Variants in CDC37L1 observed in about 807,000 individuals in gnomAD.
CDC37L1 encodes cell division cycle 37 like 1, HSP90 cochaperone.
A neutral mutation model predicts 45.9 loss-of-function variants in CDC37L1; 32 were observed. The observed-to-expected ratio is 0.70, with a 90% CI of 0.53 to 0.94. The LOEUF is 0.94. Ranked by LOEUF, CDC37L1 falls within the 40% of genes least tolerant of loss-of-function variation. CDC37L1 has a pLI of 0.00. For missense variants in CDC37L1, 434 were observed against 405.7 expected (o/e 1.07, Z -0.60); for synonymous variants, 150 against 133.0 (o/e 1.13, Z -0.88).
rs376830552 is a variant in CDC37L1, at chr9:4,706,592, G to C, written c.*480G>C. On this transcript the variant is annotated 3_prime_UTR_variant, in exon 7 of 7. Coordinates refer to ENST00000381854, the MANE Select transcript of CDC37L1 (RefSeq NM_017913.4). ...TCATCACATTAAAAGCAATAAATCA[G>C]TAGTTGGTAATGTACTTTACTAAAT... 2 of 152,786 alleles carry C rather than the reference G, an allele frequency of 1.3e-5. No homozygotes were observed. Among genetic ancestry groups the C allele is most frequent in the Non-Finnish European group, 2.9e-5 (2 of 68,168 alleles). 9.5% of individuals were successfully genotyped at this position (152,786 alleles called of 1,614,324 possible). A position where few individuals can be genotyped will look rare whatever the true frequency, so the allele number is the denominator to read the frequency against.
rs530294781 is a variant in CDC37L1 at position 4,682,673 on chromosome 9, A to C, written c.133-2204A>C. On this transcript the variant is annotated intron_variant, in intron 1 of 6. Transcript: ENST00000381854. ...TTTTTAGTAGAAACGGGGTTTCGCC[A>C]TGTTGGCCAAGCTGGTTTCGAACTC... Among the ~76,000 whole-genome samples, 6 of 151,122 alleles carry C rather than the reference A, an allele frequency of 4.0e-5. No homozygotes were observed. In the South Asian group the frequency reaches 1.3e-3, roughly 32 times the overall value.
chr9:4,702,844 G>A (rs1293618255), intron 6 of CDC37L1, among the ~76,000 whole-genome samples: 5 of 133,442 alleles, frequency 3.7e-5, no homozygotes, highest in East Asian at 2.3e-4. Context: ...AGCCGAGATC[G>A]AGCCACTGCA....
chr9:4,686,293 C>T (rs554113727), intron 2 of CDC37L1, among the ~76,000 whole-genome samples: 5 of 152,308 alleles, frequency 3.3e-5, no homozygotes, highest in East Asian at 1.9e-4. Context: ...AAGTGTACAT[C>T]GCCACTAGCC....
intron 3 of CDC37L1, among the ~76,000 whole-genome samples, chr9:4,694,950 T>C (rs1185268283): frequency 2.0e-5 from 3 of 152,202 alleles, no homozygotes; most frequent in South Asian, 2.1e-4. Context: ...CATGTTATCC[T>C]TCCTGCAAAA....
At chr9:4,680,862 A>C (rs1373728920) in intron 1 of CDC37L1, among the ~76,000 whole-genome samples, 3 of 152,224 alleles carry the variant, frequency 2.0e-5, no homozygotes, top group African/African-American at 7.2e-5. Context: ...GTTAATGAGA[A>C]TGAGTTAAAT....
rs764882435 is a variant in CDC37L1 at position 4,697,748 on chromosome 9, C to A, written c.625-9C>A. The A allele has an allele frequency of 1.4e-6, 2 of 1,390,094 alleles. No homozygotes were observed. The highest frequency in any genetic ancestry group is 1.8e-5 in the Admixed American group (1 of 54,698). The allele number at this position is 1,390,094 out of a possible 1,614,324, so 86.1% of individuals were successfully genotyped here. A position where few individuals can be genotyped will look rare whatever the true frequency, so the allele number is the denominator to read the frequency against. On this transcript the variant is annotated splice_polypyrimidine_tract_variant and intron_variant, in intron 4 of 6. Coordinates refer to ENST00000381854, the MANE Select transcript of CDC37L1 (RefSeq NM_017913.4). Reference sequence around the variant, plus strand: ...TATTTGTTTCTTATATCATTTAAATCTTTTTCAGAAAGGGGCTTTAATGGA... The same window carrying A: ...TATTTGTTTCTTATATCATTTAAATATTTTTCAGAAAGGGGCTTTAATGGA...
intron 1 of CDC37L1, among the ~76,000 whole-genome samples, chr9:4,683,037 A>C (rs937719091): frequency 7.0e-6 from 1 of 142,934 alleles, no homozygotes; most frequent in South Asian, 2.1e-4. Context: ...ATATTTATAT[A>C]TAAAATATAT....
intron 6 of CDC37L1, among the ~76,000 whole-genome samples, chr9:4,704,758 C>T (rs146654011): frequency 2.6e-5 from 4 of 151,970 alleles, no homozygotes; most frequent in East Asian, 1.9e-4. Flanking sequence ...TGACAGCAAT[C>T]GTGTGAAATA....
chr9:4,681,118 C>T (rs1841188724), intron 1 of CDC37L1, among the ~76,000 whole-genome samples: 1 of 151,954 alleles, frequency 6.6e-6, no homozygotes, highest in Admixed American at 6.6e-5. Flanking sequence ...ACATGATGTG[C>T]TAGGGAGGAA....
At chr9:4,692,410 C>T (rs539731008) in intron 3 of CDC37L1, among the ~76,000 whole-genome samples, 19 of 152,082 alleles carry the variant, frequency 1.2e-4, no homozygotes, top group Non-Finnish European at 2.6e-4. Flanking sequence ...GCTGGGATTA[C>T]AGGCGCCTGC....
intron 6 of CDC37L1, 143 bp downstream of exon 6, chr9:4,702,171 C>T (rs1252683660): frequency 2.2e-6 from 1 of 455,456 alleles, no homozygotes; most frequent in Non-Finnish European, 3.8e-6. Context: ...AATCTTACTT[C>T]ATGCCATGTT....
In CDC37L1 at chr9:4,704,051, G is replaced by C. The variant is rs139123360; in HGVS notation, c.913-1960G>C. On this transcript the variant is annotated intron_variant, in intron 6 of 6. Transcript: ENST00000381854. ...GCGGAAAGGATTATCGACTAGTTGAGGGAAGTAAAATGAGAGGCCACCTGA... is the reference window on the plus strand; with the variant it reads ...GCGGAAAGGATTATCGACTAGTTGACGGAAGTAAAATGAGAGGCCACCTGA... Among the ~76,000 whole-genome samples, 121 of 152,236 alleles carry C rather than the reference G, an allele frequency of 7.9e-4. 1 individual carries two copies. The highest frequency in any genetic ancestry group is 1.4e-3 in the Non-Finnish European group (94 of 67,992).
At chr9:4,689,652 G>A (rs1841283627) in intron 3 of CDC37L1, among the ~76,000 whole-genome samples, 1 of 151,864 alleles carries the variant, frequency 6.6e-6, no homozygotes, top group South Asian at 2.1e-4. Flanking sequence ...TAATCAATGT[G>A]GTATTATTTA....
rs747729560 is a variant in CDC37L1 at position 4,684,951 on chromosome 9, G to C, written c.207G>C (p.Trp69Cys). Residue 69 changes from tryptophan (W) to cysteine (C), a missense_variant, in exon 2 of 7, where the codon TGG becomes TGC. By Grantham distance (215) the Trp-to-Cys change is radical. Coordinates refer to ENST00000381854, the MANE Select transcript of CDC37L1 (RefSeq NM_017913.4). Reference sequence around the variant, plus strand: ...TGAAGAGCTCTGTGGCGTGCAAATGGAATCTTGCTGAAGCTCAACAGAAAC... The same window carrying C: ...TGAAGAGCTCTGTGGCGTGCAAATGCAATCTTGCTGAAGCTCAACAGAAAC... ...EFVKSSVACK[W>C]NLAEAQQKLG... The C allele has an allele frequency of 6.2e-7, 1 of 1,613,672 alleles. No individual in the cohort carries two copies. The highest frequency in any genetic ancestry group is 8.5e-7 in the Non-Finnish European group (1 of 1,179,742).
chr9:4,679,829 A>T lies in CDC37L1; in HGVS notation c.62A>T (p.Glu21Val), dbSNP rs1450630312. ...CTCCCTCGGGCCGAGGGTGAGGCTG[A>T]GGAAGAGAGTGACTTCGACGTGTTC... ...WSLPRAEGEA[E>V]EESDFDVFPS... The change falls in exon 1 of 7, where the codon GAG becomes GTG. Residue 21 changes from glutamate to valine, a missense_variant. Glu to Val is a moderately radical substitution (Grantham distance 121, BLOSUM62 -2). Coordinates refer to ENST00000381854, the MANE Select transcript of CDC37L1 (RefSeq NM_017913.4). 6 of 1,613,952 alleles carry T rather than the reference A, an allele frequency of 3.7e-6. No individual in the cohort carries two copies. The highest frequency in any genetic ancestry group is 1.6e-4 in the Middle Eastern group (1 of 6,062).
rs576509434 is a variant in CDC37L1 at position 4,707,102 on chromosome 9, A to G, written c.*990A>G. On this transcript the variant is annotated 3_prime_UTR_variant, in exon 7 of 7. Coordinates refer to ENST00000381854, the MANE Select transcript of CDC37L1 (RefSeq NM_017913.4). ...TAGTGCTAACTGCCTTGAGCTGCCA[A>G]TTACCTATTTCTGAGAATTTGGTGA... The G allele has an allele frequency of 2.6e-5, 4 of 152,252 alleles. No homozygotes were observed. Among genetic ancestry groups the G allele is most frequent in the East Asian group, 1.9e-4 (1 of 5,192 alleles). 9.4% of individuals were successfully genotyped at this position (152,252 alleles called of 1,614,324 possible).
At chr9:4,695,871 A>G (rs1347875658) in intron 3 of CDC37L1, among the ~76,000 whole-genome samples, 1 of 151,564 alleles carries the variant, frequency 6.6e-6, no homozygotes, top group Non-Finnish European at 1.5e-5. Flanking sequence ...GCTCGCTGCA[A>G]CCTCCGCCTC....
At chr9:4,682,198 T>C (rs1841201273) in intron 1 of CDC37L1, among the ~76,000 whole-genome samples, 1 of 150,306 alleles carries the variant, frequency 6.7e-6, no homozygotes, top group African/African-American at 2.5e-5. Flanking sequence ...TGTCTTGCTG[T>C]GTTGCCCAGG....
intron 6 of CDC37L1, among the ~76,000 whole-genome samples, chr9:4,705,682 T>C (rs1265155881): frequency 2.6e-5 from 4 of 152,208 alleles, no homozygotes; most frequent in African/African-American, 9.6e-5. Flanking sequence ...ATATTTAAAT[T>C]ATCAGTAGCT....
Sources: allele counts gnomAD v4.1 joint callset (sites outside exome capture counted in the v4.1 genomes callset), GRCh38; gene constraint gnomAD v4.1.1; transcripts MANE v1.5; gene names NCBI Gene and HGNC (gene_info 2026-07-23, HGNC 2026-07-21).